Variants in SH3BP1 observed in about 807,000 individuals in gnomAD.
SH3BP1 encodes SH3 domain binding protein 1, also known as SH3 domain-binding protein 1.
SH3BP1 carries 46 observed loss-of-function variants against 69.8 expected under a neutral mutation model. That is an observed-to-expected ratio of 0.66 (90% CI 0.52 to 0.84). The LOEUF (loss-of-function observed/expected upper bound fraction) is 0.84, where lower values mean the gene tolerates loss of function less well. Ranked by LOEUF, SH3BP1 falls within the 40% of genes least tolerant of loss-of-function variation. The pLI, the probability that SH3BP1 is intolerant of heterozygous loss-of-function variation, is 0.00. For synonymous variants in SH3BP1, 403 were observed against 378.0 expected (o/e 1.07, Z -0.77); for missense variants, 868 against 930.9 (o/e 0.93, Z 0.88).
At chr22:37,645,939 G>C (rs550296836) in intron 10 of SH3BP1, among the ~76,000 whole-genome samples, 2 of 151,786 alleles carry the variant, frequency 1.3e-5, no homozygotes, top group East Asian at 3.9e-4. Flanking sequence ...TGCTGTGCTG[G>C]GGCCTCCTTT....
chr22:37,647,588 G>A (rs1482383841), intron 13 of SH3BP1, 67 bp downstream of exon 13: 2 of 1,323,534 alleles, frequency 1.5e-6, no homozygotes, highest in Non-Finnish European at 2.1e-6. Context: ...CGGACCCTGG[G>A]ACCCTGGGCT....
chr22:37,652,201 T>G (rs1932894000), intron 16 of SH3BP1, among the ~76,000 whole-genome samples: 1 of 151,554 alleles, frequency 6.6e-6, no homozygotes, highest in African/African-American at 2.4e-5. Context: ...TCCCAGCTAC[T>G]CGGGAGGCTG....
At chr22:37,650,860 C>T (rs1334911705) in intron 16 of SH3BP1, 135 bp downstream of exon 16, 1 of 1,227,606 alleles carries the variant, frequency 8.1e-7, no homozygotes, top group Non-Finnish European at 1.1e-6. Context: ...ACCGGATCTC[C>T]TAGTTTGGAG....
chr22:37,639,896 G>A (rs769913970), intron 1 of SH3BP1, 50 bp downstream of exon 1: 8 of 1,456,634 alleles, frequency 5.5e-6, no homozygotes, highest in African/African-American at 4.4e-5. Flanking sequence ...AGGACTTGAG[G>A]GGTCGTAAAA....
chr22:37,652,507 G>C (rs950253639), intron 16 of SH3BP1, among the ~76,000 whole-genome samples: 9 of 151,800 alleles, frequency 5.9e-5, no homozygotes, highest in African/African-American at 2.2e-4. Context: ...CACTCAGCCT[G>C]GGCAACAGAG....
At chr22:37,644,030 C>CGAGTGAATGAATAAATGAA (rs2146049900) in intron 7 of SH3BP1, among the ~76,000 whole-genome samples, 1 of 152,252 alleles carries the variant, frequency 6.6e-6, no homozygotes, top group Non-Finnish European at 1.5e-5. Flanking sequence ...GCTGAGCGAG[C>CGAGTGAATGAATAAATGAA]GAGTGAATGA....
rs184852663 is a variant in SH3BP1 at position 37,647,820 on chromosome 22, C to T, written c.1199+299C>T. On this transcript the variant is annotated intron_variant, in intron 13 of 17. Coordinates refer to ENST00000649765, the MANE Select transcript of SH3BP1 (RefSeq NM_018957.6). ...CCTCCCGAGTAGCTAGGACTACAGG[C>T]GCCTGCCATCACACTCGGCTAATTT... Among the ~76,000 whole-genome samples, 186 of 152,142 alleles carry T rather than the reference C, an allele frequency of 1.2e-3. No homozygotes were observed. In the East Asian group the frequency reaches 0.017, roughly 14 times the overall value.
At position 37,655,330 on chromosome 22, in the gene SH3BP1, C is replaced by T. The variant is rs1932992608; in HGVS notation, c.1752C>T (p.Arg584=). 1.3e-6 allele frequency: 2 copies of T among 1,514,724 alleles called. No homozygotes were observed. Among genetic ancestry groups the T allele is most frequent in the South Asian group, 1.2e-5 (1 of 82,806 alleles). 93.8% of individuals were successfully genotyped at this position (1,514,724 alleles called of 1,614,324 possible). ...TMPPPQVSGS[R]SSPPAPPLPP... is the part of the protein sequence containing the mutation. ...CGCCCCCCCAGGTCTCCGGCTCCCGCTCCTCCCCTCCAGCCCCGCCCTTGC... is the reference window on the plus strand; with the variant it reads ...CGCCCCCCCAGGTCTCCGGCTCCCGTTCCTCCCCTCCAGCCCCGCCCTTGC... The change falls in exon 18 of 18, where the codon CGC becomes CGT. Residue 584 remains arginine (R), a synonymous_variant. Coordinates refer to ENST00000649765, the MANE Select transcript of SH3BP1 (RefSeq NM_018957.6).
intron 1 of SH3BP1, 22 bp from the exon 2 acceptor site, chr22:37,641,104 C>CA (rs1932569974): frequency 2.3e-6 from 3 of 1,286,802 alleles, no homozygotes; most frequent in African/African-American, 3.0e-5. Context: ...ACTCTCCCCC[C>CA]CCCCCCCACC....
chr22:37,649,836 G>A (rs985773894), intron 14 of SH3BP1: 1 of 471,920 alleles, frequency 2.1e-6, no homozygotes, highest in Non-Finnish European at 3.9e-6. Flanking sequence ...TGCTATGTGA[G>A]GAGTCATCAT....
Position 37,655,327 on chromosome 22 carries a change from C to A in SH3BP1, c.1749C>A (p.Ser583=). The A allele has an allele frequency of 6.5e-7, 1 of 1,528,164 alleles. No individual in the cohort carries two copies. The allele number at this position is 1,528,164 out of a possible 1,614,324, so 94.7% of individuals were successfully genotyped here. Residue 583 remains serine (S), a synonymous_variant, in exon 18 of 18, where the codon TCC becomes TCA. Coordinates refer to ENST00000649765, the MANE Select transcript of SH3BP1 (RefSeq NM_018957.6). The part of the protein sequence containing the change: ...PTMPPPQVSG[S]RSSPPAPPLP... ...TGCCGCCCCCCCAGGTCTCCGGCTC[C>A]CGCTCCTCCCCTCCAGCCCCGCCCT...
intron 15 of SH3BP1, 86 bp downstream of exon 15, chr22:37,650,335 A>G: frequency 1.3e-6 from 2 of 1,517,226 alleles, no homozygotes; most frequent in South Asian, 1.2e-5. Flanking sequence ...ACTCACCATA[A>G]GTCCAGGAGG....
rs1212072721 is a variant in SH3BP1, at chr22:37,645,028, G to C, written c.778+68G>C. 12 of 1,384,110 alleles carry C rather than the reference G, an allele frequency of 8.7e-6. No homozygotes were observed. The South Asian group carries it at 1.2e-4, about 14-fold the overall frequency. The allele number at this position is 1,384,110 out of a possible 1,614,324, so 85.7% of individuals were successfully genotyped here. ...CTGCTCGGGGCTTATTGAGAAGCTC[G>C]CACTTCATCCTGAAAGGTAGCAGGA... On this transcript the variant is annotated intron_variant, in intron 9 of 17. Coordinates refer to ENST00000649765, the MANE Select transcript of SH3BP1 (RefSeq NM_018957.6).
chr22:37,646,741 C>T, intron 10 of SH3BP1, 77 bp from the exon 11 acceptor site: 1 of 877,728 alleles, frequency 1.1e-6, no homozygotes, highest in Non-Finnish European at 1.7e-6. Context: ...AGTGGCACAC[C>T]CCAGGCTACA....
chr22:37,647,976 G>A (rs892524911), intron 13 of SH3BP1, among the ~76,000 whole-genome samples: 4 of 152,164 alleles, frequency 2.6e-5, no homozygotes, highest in East Asian at 3.9e-4. Context: ...GCGCCCAGCC[G>A]GATTAGTCAC....
chr22:37,653,834 C>T lies in SH3BP1; in HGVS notation c.1654C>T (p.Pro552Ser), dbSNP rs1932940070. The T allele has an allele frequency of 6.2e-7, 1 of 1,613,708 alleles. No individual in the cohort carries two copies. Among genetic ancestry groups the T allele is most frequent in the Non-Finnish European group, 8.5e-7 (1 of 1,179,904 alleles). ...CTCCCCCAAGGTCACCAGGAGTCCC[C>T]CGGAGACAGCTGCCCCAGTGGAGGA... ...PASPKVTRSP[P>S]ETAAPVEDMA... Residue 552 changes from proline (P) to serine (S), a missense_variant, in exon 17 of 18, where the codon CCG (proline) becomes TCG (serine). This residue lies in a region of SH3BP1 where 474 missense variants were observed against 462.3 expected (regional missense o/e 1.03). Coordinates refer to ENST00000649765, the MANE Select transcript of SH3BP1 (RefSeq NM_018957.6).
chr22:37,655,764 C>T lies in SH3BP1; in HGVS notation c.*80C>T, dbSNP rs989990625. 4.1e-6 allele frequency: 6 copies of T among 1,445,878 alleles called. No homozygotes were observed. Among genetic ancestry groups the T allele is most frequent in the Non-Finnish European group, 5.4e-6 (6 of 1,103,768 alleles). The allele number at this position is 1,445,878 out of a possible 1,614,324, so 89.6% of individuals were successfully genotyped here. On this transcript the variant is annotated 3_prime_UTR_variant, in exon 18 of 18. Coordinates refer to ENST00000649765, the MANE Select transcript of SH3BP1 (RefSeq NM_018957.6). Reference sequence around the variant, plus strand: ...CTCCCAGGACAGCTCTCGCCCCCCACAAAGGGGCATGGGCCTCCAGCCTTT... The same window carrying T: ...CTCCCAGGACAGCTCTCGCCCCCCATAAAGGGGCATGGGCCTCCAGCCTTT...
chr22:37,655,125 C>T (rs1282134759), intron 17 of SH3BP1, 147 bp from the exon 18 acceptor site: 11 of 615,118 alleles, frequency 1.8e-5, no homozygotes, highest in Non-Finnish European at 3.0e-5. Flanking sequence ...CAAGGAGAGG[C>T]CTAGACGATG....
Position 37,639,733 on chromosome 22 carries a change from C to G in SH3BP1, c.-55C>G. The G allele has an allele frequency of 6.0e-6, 7 of 1,170,430 alleles. 1 individual carries two copies. In the South Asian group the frequency reaches 1.1e-4, roughly 18 times the overall value. The allele number at this position is 1,170,430 out of a possible 1,614,324, so 72.5% of individuals were successfully genotyped here. On this transcript the variant is annotated 5_prime_UTR_variant, in exon 1 of 18. Coordinates refer to ENST00000649765, the MANE Select transcript of SH3BP1 (RefSeq NM_018957.6). ...CAGGAGAGGCAGGCTGGACCGGGGG[C>G]TCCCCGGGCCCGCGACCCCCGCCGT...
Sources: gnomAD v4.1 joint callset for allele counts (sites outside exome capture counted in the v4.1 genomes callset) on GRCh38, gnomAD v4.1.1 for gene constraint, gnomAD v4.1.1 regional missense constraint, MANE v1.5 for transcripts, NCBI Gene and HGNC (gene_info 2026-07-23, HGNC 2026-07-21) for gene names.